The following UPF3B variants were observed in gnomAD, a reference collection of about 807,000 sequenced individuals.
The protein encoded by UPF3B is regulator of nonsense transcripts 3B.
A neutral mutation model predicts 40.3 loss-of-function variants in UPF3B; 7 were observed. The ratio of observed to expected loss-of-function variants is 0.17; its 90% confidence interval spans 0.10 to 0.33. UPF3B has a LOEUF of 0.33. Ranked by LOEUF, UPF3B falls within the 10% of genes least tolerant of loss-of-function variation. UPF3B has a pLI of 1.00. For synonymous variants in UPF3B, 117 were observed against 117.3 expected (o/e 1.00, Z 0.01); for missense variants, 229 against 358.9 (o/e 0.64, Z 2.93).
chrX:119,818,315 G>A (rs925851699), intron 4 of UPF3B, among the ~76,000 whole-genome samples: 7 of 111,113 alleles, frequency 6.3e-5, no homozygotes, highest in South Asian at 7.5e-4. Flanking sequence ...GAAAAGCATC[G>A]GCTGGGTGTG....
At chrX:119,828,383 CAT>C (rs1021947048) in intron 3 of UPF3B, among the ~76,000 whole-genome samples, 3 of 111,819 alleles carry the variant, frequency 2.7e-5, no homozygotes, top group Admixed American at 1.9e-4. Context: ...TTTGAAAATC[CAT>C]ATGAGGCTGG....
At position 119,837,877 on chromosome X, in the gene UPF3B, T is replaced by C; in HGVS notation, c.1182A>G (p.Lys394=). ...KTFKRKEEEM[K]KEKDTLRDKG... ...TATCCCGAAGTGTGTCTTTCTCTTT[T>C]TTCATTTCTTCTTCTTTTCTCTTAA... Residue 394 remains lysine, a synonymous_variant, in exon 10 of 11, where the codon AAA becomes AAG. Transcript: ENST00000276201. The C allele has an allele frequency of 8.3e-7, 1 of 1,211,292 alleles. No individual in the cohort carries two copies. The highest frequency in any genetic ancestry group is 2.3e-4 in the Middle Eastern group (1 of 4,339).
chrX:119,820,963 T>A (rs1378416358), intron 4 of UPF3B, among the ~76,000 whole-genome samples: 2 of 111,598 alleles, frequency 1.8e-5, no homozygotes, highest in African/African-American at 3.3e-5. Flanking sequence ...TTTGTTCTTA[T>A]GGGACCAGAA....
chrX:119,829,828 C>T (rs1198460743), downstream of UPF3B, among the ~76,000 whole-genome samples: 1 of 111,773 alleles, frequency 8.9e-6, no homozygotes. Context: ...CCATTTCCCA[C>T]CTGCCATTCA....
chrX:119,850,434 G>A (rs2056288912), intron 3 of UPF3B, among the ~76,000 whole-genome samples: 1 of 111,896 alleles, frequency 8.9e-6, no homozygotes, highest in African/African-American at 3.2e-5. Flanking sequence ...TAGTTGGAGT[G>A]GAAAAATAGC....
At chrX:119,811,692 C>G (rs188945318) in intron 5 of UPF3B, among the ~76,000 whole-genome samples, 1 of 110,134 alleles carries the variant, frequency 9.1e-6, no homozygotes, top group East Asian at 2.9e-4. Context: ...TGGCTCATAC[C>G]TGTAATCCCA....
intron 3 of UPF3B, among the ~76,000 whole-genome samples, chrX:119,826,820 G>A (rs941936521): frequency 8.9e-6 from 1 of 112,044 alleles, no homozygotes; most frequent in African/African-American, 3.2e-5. Context: ...TGAAGACAAA[G>A]CACTATCAAA....
chrX:119,846,099 CGAGAT>C (rs763175624), intron 3 of UPF3B, among the ~76,000 whole-genome samples: 2 of 110,272 alleles, frequency 1.8e-5, no homozygotes, highest in Admixed American at 9.8e-5. Context: ...TTTGGGAGGC[CGAGAT>C]GAGAGGATCA....
At chrX:119,815,420 C>CA in intron 4 of UPF3B, 1 of 242,598 alleles carries the variant, frequency 4.1e-6, no homozygotes, top group Non-Finnish European at 5.8e-6. Context: ...CATTTAAGAC[C>CA]AAAAATGTGA....
intron 10 of UPF3B, among the ~76,000 whole-genome samples, chrX:119,836,985 C>T (rs1340381234): frequency 9.4e-6 from 1 of 106,666 alleles, no homozygotes; most frequent in African/African-American, 3.4e-5. Context: ...GCTCTGTTGC[C>T]CAGGCTAGAA....
At chrX:119,841,619 T>TA (rs1397601948) in intron 6 of UPF3B, 116 bp downstream of exon 6, 7 of 742,363 alleles carry the variant, frequency 9.4e-6, no homozygotes, top group Non-Finnish European at 1.2e-5. Flanking sequence ...CCTTAAAGAG[T>TA]AATGGTGGAA....
At chrX:119,829,873 C>T (rs188588833), downstream of UPF3B, among the ~76,000 whole-genome samples, 1 of 111,622 alleles carries the variant, frequency 9.0e-6, no homozygotes. Context: ...TCTTTTAGGT[C>T]ATCAGTTTCA....
In UPF3B at chrX:119,834,881, C is replaced by A; in HGVS notation, c.1449G>T (p.Glu483Asp). 1 of 1,211,047 alleles carries A rather than the reference C, an allele frequency of 8.3e-7. No homozygotes were observed. Among genetic ancestry groups the A allele is most frequent in the Non-Finnish European group, 1.1e-6 (1 of 895,443 alleles). The change falls in exon 11 of 11, where the codon GAG becomes GAT. Residue 483 changes from glutamate (E) to aspartate (D), a missense_variant. By Grantham distance (45) the Glu-to-Asp change is conservative. This residue lies in a region of UPF3B where 119 missense variants were observed against 153.8 expected (regional missense o/e 0.77). Transcript: ENST00000276201. ...GISHRKEGGE[E>D] ...CACCTAAGGCCATCTGGACTTATCA[C>A]TCCTCTCCTCCTTCTTTTCTATGGC...
chrX:119,845,758 T>C, intron 3 of UPF3B, among the ~76,000 whole-genome samples: 1 of 110,637 alleles, frequency 9.0e-6, no homozygotes, highest in Non-Finnish European at 1.9e-5. Context: ...ATTGTGGTGA[T>C]AGGCTCATAA....
rs965391501 is a variant in UPF3B at position 119,838,043 on chromosome X, T to C, written c.1016A>G (p.Asp339Gly). Residue 339 changes from aspartate (D) to glycine (G), a missense_variant, in exon 10 of 11, where the codon GAT (aspartate) becomes GGT (glycine). This residue lies in a region of UPF3B where 119 missense variants were observed against 153.8 expected (regional missense o/e 0.77). Transcript: ENST00000276201. ...LKDEKPKRPE[D>G]ESGRDYRERE... is the part of the protein sequence containing the mutation. ...CTCCCTATAGTCTCTGCCGCTCTCATCTTCAGGTCTGCATGAAAAACAAAT... is the reference window on the plus strand; with the variant it reads ...CTCCCTATAGTCTCTGCCGCTCTCACCTTCAGGTCTGCATGAAAAACAAAT... 2 of 1,208,858 alleles carry C rather than the reference T, an allele frequency of 1.7e-6. No individual in the cohort carries two copies. The highest frequency in any genetic ancestry group is 1.8e-5 in the African/African-American group (1 of 57,021).
intron 10 of UPF3B, among the ~76,000 whole-genome samples, chrX:119,836,367 A>C (rs1423093592): frequency 9.0e-6 from 1 of 111,470 alleles, no homozygotes; most frequent in East Asian, 2.8e-4. Context: ...AAAATAAATA[A>C]TTAATTAATT....
At chrX:119,827,755 T>TG (rs1461451410) in intron 3 of UPF3B, among the ~76,000 whole-genome samples, 1 of 110,371 alleles carries the variant, frequency 9.1e-6, no homozygotes, top group East Asian at 2.9e-4. Flanking sequence ...TTTTTTGAGA[T>TG]GGAGTCTCAC....
In UPF3B at chrX:119,843,415, A is replaced by T. The variant is rs746553768; in HGVS notation, c.470-114T>A. ...ATAATTTTTTACTTCGTGGAAGATTAAAAAAAACCAAACCATACCCACAAG... is the reference window on the plus strand; with the variant it reads ...ATAATTTTTTACTTCGTGGAAGATTTAAAAAAACCAAACCATACCCACAAG... On this transcript the variant is annotated intron_variant, in intron 4 of 10. Transcript: ENST00000276201. The T allele has an allele frequency of 1.3e-4, 67 of 526,518 alleles. No homozygotes were observed. In the African/African-American group the frequency reaches 1.3e-3, roughly 10 times the overall value. The allele number at this position is 526,518 out of a possible 1,213,427, so 43.4% of individuals were successfully genotyped here.
intron 3 of UPF3B, among the ~76,000 whole-genome samples, chrX:119,847,914 A>G (rs1007620378): frequency 1.8e-5 from 2 of 111,607 alleles, no homozygotes; most frequent in African/African-American, 6.5e-5. Flanking sequence ...CAAGAGTGGA[A>G]GCAACTCGAA....
Sources: gnomAD v4.1 joint callset for allele counts (sites outside exome capture counted in the v4.1 genomes callset) on GRCh38, gnomAD v4.1.1 for gene constraint, gnomAD v4.1.1 regional missense constraint, MANE v1.5 for transcripts, NCBI Gene and HGNC (gene_info 2026-07-23, HGNC 2026-07-21) for gene names.